The following DLG2 variants were observed in gnomAD, a reference collection of about 807,000 sequenced individuals.
DLG2 encodes the protein disks large homolog 2.
In DLG2, 45 loss-of-function variants were observed where a neutral mutation model predicts 132.5. The ratio of observed to expected loss-of-function variants is 0.34; its 90% confidence interval spans 0.27 to 0.44. The LOEUF (loss-of-function observed/expected upper bound fraction) is 0.44. Among genes scored for constraint, DLG2 ranks in the 20% least tolerant of loss-of-function variants. The pLI is 1.00. For missense variants in DLG2, 1,045 were observed against 1,196.9 expected (o/e 0.87, Z 1.87); for synonymous variants, 424 against 419.6 (o/e 1.01, Z -0.13).
chr11:83,501,614 G>C (rs993496364), intron 21 of DLG2, among the ~76,000 whole-genome samples: 4 of 152,120 alleles, frequency 2.6e-5, no homozygotes, highest in Non-Finnish European at 5.9e-5. Flanking sequence ...CCTCATTCAA[G>C]GTCAAGCTAA....
At chr11:84,217,248 C>T (rs186005553) in intron 8 of DLG2, among the ~76,000 whole-genome samples, 312 of 152,308 alleles carry the variant, frequency 2.0e-3, no homozygotes, top group South Asian at 3.7e-3. Flanking sequence ...ACCCAAATCT[C>T]ATCTTGAATT....
intron 6 of DLG2, among the ~76,000 whole-genome samples, chr11:84,942,221 T>C (rs1022436203): frequency 6.6e-6 from 1 of 152,162 alleles, no homozygotes; most frequent in Non-Finnish European, 1.5e-5. Context: ...TGTATTTTTG[T>C]TTCAATTTCA....
intron 7 of DLG2, among the ~76,000 whole-genome samples, chr11:84,450,332 G>C (rs753073669): frequency 4.6e-5 from 7 of 151,180 alleles, no homozygotes; most frequent in Non-Finnish European, 8.9e-5. Flanking sequence ...CCATGAGTTG[G>C]ATTGGTGAAG....
intron 9 of DLG2, among the ~76,000 whole-genome samples, chr11:84,136,788 T>C (rs926063890): frequency 6.6e-6 from 1 of 152,198 alleles, no homozygotes; most frequent in African/African-American, 2.4e-5. Flanking sequence ...TGTTAAAACA[T>C]AGTGTACTCT....
intron 9 of DLG2, among the ~76,000 whole-genome samples, chr11:84,123,411 A>G (rs1361251666): frequency 6.6e-6 from 1 of 152,208 alleles, no homozygotes; most frequent in Admixed American, 6.5e-5. Flanking sequence ...CTGTGCTTGG[A>G]GTCATAAGAC....
chr11:85,491,663 A>T (rs1324732531), intron 3 of DLG2, among the ~76,000 whole-genome samples: 2 of 152,112 alleles, frequency 1.3e-5, no homozygotes, highest in African/African-American at 4.8e-5. Context: ...AGCTACAAAA[A>T]ATAAAATACT....
intron 3 of DLG2, among the ~76,000 whole-genome samples, chr11:85,399,036 G>A (rs963202305): frequency 6.6e-6 from 1 of 152,112 alleles, no homozygotes; most frequent in Non-Finnish European, 1.5e-5. Flanking sequence ...AAACCCCATT[G>A]TCTCAGCCCA....
intron 18 of DLG2, among the ~76,000 whole-genome samples, chr11:83,633,812 A>G (rs2064078418): frequency 6.6e-6 from 1 of 151,790 alleles, no homozygotes; most frequent in South Asian, 2.1e-4. Context: ...ATATCGATGA[A>G]TTGTGTCAAT....
intron 6 of DLG2, among the ~76,000 whole-genome samples, chr11:85,034,150 T>TCTG (rs1318053586): frequency 6.6e-6 from 1 of 151,436 alleles, no homozygotes; most frequent in African/African-American, 2.4e-5. Flanking sequence ...CAATTTCGGC[T>TCTG]CACTGCAAGC....
rs747626312 is a variant in DLG2, at chr11:85,011,899, GCAAA to G, written c.357+99758_357+99761del. 3.3e-5 allele frequency among the ~76,000 whole-genome samples: 5 copies of G among 152,222 alleles called. No individual in the cohort carries two copies. In the South Asian group the frequency reaches 8.3e-4, roughly 25 times the overall value. On this transcript the variant is annotated intron_variant, in intron 6 of 27. Coordinates refer to ENST00000376104, the MANE Select transcript of DLG2 (RefSeq NM_001142699.3). The stretch of plus-strand genomic sequence containing the variant: ...ACCAATAGTATAATTTATTCCTTCA[GCAAA>G]CATTTACTATTGAGTATGCTTTTTA...
At chr11:84,047,769 A>G (rs1311590904) in intron 11 of DLG2, among the ~76,000 whole-genome samples, 2 of 151,662 alleles carry the variant, frequency 1.3e-5, no homozygotes, top group Non-Finnish European at 3.0e-5. Flanking sequence ...GAAAAGAAAC[A>G]GTGGTCATGT....
At chr11:84,308,988 T>C (rs1413203248) in intron 7 of DLG2, among the ~76,000 whole-genome samples, 1 of 152,138 alleles carries the variant, frequency 6.6e-6, no homozygotes, top group Non-Finnish European at 1.5e-5. Flanking sequence ...GCTCCCACAG[T>C]GCAGCGGCGG....
chr11:83,898,575 T>C (rs1229482751), intron 15 of DLG2, among the ~76,000 whole-genome samples: 1 of 152,100 alleles, frequency 6.6e-6, no homozygotes, highest in Non-Finnish European at 1.5e-5. Context: ...TCTTTTTTCA[T>C]TTTTCTATTA....
At chr11:83,491,390 G>C (rs2093835979) in intron 21 of DLG2, among the ~76,000 whole-genome samples, 1 of 152,000 alleles carries the variant, frequency 6.6e-6, no homozygotes, top group Non-Finnish European at 1.5e-5. Context: ...ATTCAATTTA[G>C]AGTTCTTTGC....
chr11:83,982,681 A>G (rs1435133600), intron 11 of DLG2, among the ~76,000 whole-genome samples: 1 of 152,130 alleles, frequency 6.6e-6, no homozygotes, highest in African/African-American at 2.4e-5. Flanking sequence ...CTAAGTGTAC[A>G]GTGTTCTTTA....
At chr11:84,231,943 T>A (rs1191325518) in intron 8 of DLG2, among the ~76,000 whole-genome samples, 1 of 152,006 alleles carries the variant, frequency 6.6e-6, no homozygotes, top group Non-Finnish European at 1.5e-5. Context: ...ACTGATCACA[T>A]ACACACCAGG....
chr11:84,224,139 G>T (rs1239196364), intron 8 of DLG2, among the ~76,000 whole-genome samples: 1 of 152,174 alleles, frequency 6.6e-6, no homozygotes, highest in East Asian at 1.9e-4. Context: ...TGGCTATAAG[G>T]TTATGAAGAC....
chr11:84,134,063 T>C (rs920523633), intron 9 of DLG2, among the ~76,000 whole-genome samples: 4 of 152,090 alleles, frequency 2.6e-5, no homozygotes, highest in African/African-American at 9.7e-5. Flanking sequence ...TTTCTTACTA[T>C]GTGCCTGTAC....
chr11:84,338,093 TAA>T (rs1001294129), intron 7 of DLG2, among the ~76,000 whole-genome samples: 4 of 152,130 alleles, frequency 2.6e-5, no homozygotes, highest in African/African-American at 7.2e-5. Context: ...CAAAAAAAAA[TAA>T]GAGAGATATT....
Sources: gnomAD v4.1 joint callset for allele counts (sites outside exome capture counted in the v4.1 genomes callset) on GRCh38, gnomAD v4.1.1 for gene constraint, MANE v1.5 for transcripts, NCBI Gene and HGNC (gene_info 2026-07-23, HGNC 2026-07-21) for gene names.